Variants in GALNTL6 observed in about 807,000 individuals in gnomAD.
GALNTL6 encodes polypeptide N-acetylgalactosaminyltransferase like 6.
Under a neutral mutation model 73.7 loss-of-function variants are expected in GALNTL6, and 46 were observed. The observed-to-expected ratio is 0.62, with a 90% confidence interval of 0.49 to 0.80. GALNTL6 has a LOEUF of 0.80. Ranked by LOEUF, GALNTL6 falls within the 30% of genes least tolerant of loss-of-function variation. The probability of loss-of-function intolerance (pLI) is 0.00; values close to 1 mark genes in which losing one functional copy is unlikely to be tolerated. For synonymous variants in GALNTL6, 259 were observed against 263.7 expected, an observed-to-expected ratio of 0.98 and a Z score of 0.17; for missense variants, 604 against 755.0, an observed-to-expected ratio of 0.80 and a Z score of 2.34.
At chr4:171,958,487 G>T (rs1042517883) in intron 2 of GALNTL6, among the ~76,000 whole-genome samples, 3 of 152,050 alleles carry the variant, frequency 2.0e-5, no homozygotes, top group Admixed American at 2.0e-4. Context: ...AATTAGGAAA[G>T]AGAGTCATTT....
In GALNTL6 at chr4:172,910,057, G is replaced by T. The variant is rs370732345; in HGVS notation, c.1042-21104G>T. Among the ~76,000 whole-genome samples, 4 of 151,552 alleles carry T rather than the reference G, an allele frequency of 2.6e-5. No homozygotes were observed. The East Asian group carries it at 7.7e-4, about 29-fold the overall frequency. ...ACAACTGTGCAAAAATTAAAATGAA[G>T]GGAATACAAATGTTTTTATTTATAT... On this transcript the variant is annotated intron_variant, in intron 8 of 12. Transcript: ENST00000506823.
At position 172,442,697 on chromosome 4, in the gene GALNTL6, C is replaced by G. The variant is rs1222643505; in HGVS notation, c.553+94008C>G. Among the ~76,000 whole-genome samples the G allele has an allele frequency of 2.0e-5, 3 of 152,218 alleles. No individual in the cohort carries two copies. In the East Asian group the frequency reaches 5.8e-4, roughly 29 times the overall value. Reference sequence around the variant, plus strand: ...TAGTCAGAAAATGAGTCCATCCATTCAGTTACCGATATATTTCAAGGCTTT... The same window carrying G: ...TAGTCAGAAAATGAGTCCATCCATTGAGTTACCGATATATTTCAAGGCTTT... On this transcript the variant is annotated intron_variant, in intron 5 of 12. Coordinates refer to ENST00000506823, the MANE Select transcript of GALNTL6 (RefSeq NM_001034845.3).
chr4:172,188,493 T>G (rs1200337903), intron 2 of GALNTL6, among the ~76,000 whole-genome samples: 1 of 152,184 alleles, frequency 6.6e-6, no homozygotes, highest in Non-Finnish European at 1.5e-5. Context: ...TGACACGGTG[T>G]CTGCTCTCTT....
chr4:172,481,825 A>C (rs438519), intron 5 of GALNTL6, among the ~76,000 whole-genome samples: 152,185 of 152,326 alleles, frequency 1, 76,022 homozygotes, highest in Non-Finnish European at 1. Context: ...GCTGGCTCTG[A>C]CTAATGGATC....
intron 2 of GALNTL6, among the ~76,000 whole-genome samples, chr4:172,167,392 G>T (rs1560950464): frequency 6.6e-6 from 1 of 152,156 alleles, no homozygotes; most frequent in Non-Finnish European, 1.5e-5. Context: ...GTTGTGTCAT[G>T]TATAGCACAC....
intron 5 of GALNTL6, among the ~76,000 whole-genome samples, chr4:172,752,051 A>AG (rs1443476020): frequency 6.6e-6 from 1 of 151,706 alleles, no homozygotes; most frequent in Non-Finnish European, 1.5e-5. Context: ...AAACTTAAAA[A>AG]AAAAAAAAAA....
intron 5 of GALNTL6, among the ~76,000 whole-genome samples, chr4:172,376,880 G>C (rs113661177): frequency 6.6e-6 from 1 of 152,234 alleles, no homozygotes; most frequent in African/African-American, 2.4e-5. Context: ...TGTTCCTTCA[G>C]ATGTTCAGAT....
Position 172,814,363 on chromosome 4 carries a change from G to T in GALNTL6, c.923+640G>T, listed in dbSNP as rs151177612. Among the ~76,000 whole-genome samples, 162 of 152,088 alleles carry T rather than the reference G, an allele frequency of 1.1e-3. 1 individual carries two copies. In the South Asian group the frequency reaches 0.023, roughly 22 times the overall value. On this transcript the variant is annotated intron_variant, in intron 7 of 12. Coordinates refer to ENST00000506823, the MANE Select transcript of GALNTL6 (RefSeq NM_001034845.3). ...AAACGACATCCTGTTTTTTCAGTGTGGACATAAGAAGTATGCATTTAAAGA... is the reference window on the plus strand; with the variant it reads ...AAACGACATCCTGTTTTTTCAGTGTTGACATAAGAAGTATGCATTTAAAGA...
chr4:172,634,726 T>C (rs1298207144), intron 5 of GALNTL6, among the ~76,000 whole-genome samples: 1 of 152,238 alleles, frequency 6.6e-6, no homozygotes, highest in East Asian at 1.9e-4. Context: ...ATTCAACATT[T>C]ATTGAATCCT....
At chr4:172,364,151 A>G in intron 5 of GALNTL6, among the ~76,000 whole-genome samples, 1 of 152,210 alleles carries the variant, frequency 6.6e-6, no homozygotes, top group Non-Finnish European at 1.5e-5. Context: ...TGGGCATGGT[A>G]GCTCATGCCT....
At chr4:172,115,417 T>A (rs867841917) in intron 2 of GALNTL6, among the ~76,000 whole-genome samples, 1 of 152,170 alleles carries the variant, frequency 6.6e-6, no homozygotes, top group Non-Finnish European at 1.5e-5. Context: ...GTGAAGATGA[T>A]GTAAAATTGA....
intron 10 of GALNTL6, among the ~76,000 whole-genome samples, chr4:172,971,542 G>A (rs1257589932): frequency 3.3e-5 from 5 of 152,184 alleles, no homozygotes; most frequent in African/African-American, 9.7e-5. Context: ...TGAGTGGAAA[G>A]CAGAATACGT....
chr4:172,839,138 G>A lies in GALNTL6; in HGVS notation c.923+25415G>A, dbSNP rs73871878. ...TCAATAAAAAGGTGAGAAGGCACAG[G>A]GGTGAATGTCTGCAACCCACACCCT... On this transcript the variant is annotated intron_variant, in intron 7 of 12. Transcript: ENST00000506823. Among the ~76,000 whole-genome samples, 907 of 152,334 alleles carry A rather than the reference G, an allele frequency of 6.0e-3. 11 individuals carry two copies. Among genetic ancestry groups the A allele is most frequent in the African/African-American group, 0.021 (875 of 41,566 alleles).
intron 5 of GALNTL6, among the ~76,000 whole-genome samples, chr4:172,455,101 A>G (rs1367810738): frequency 6.6e-6 from 1 of 152,176 alleles, no homozygotes; most frequent in Non-Finnish European, 1.5e-5. Flanking sequence ...TCACCCAGGA[A>G]GCGAAAGGAT....
At chr4:172,656,594 G>A (rs1438613651) in intron 5 of GALNTL6, among the ~76,000 whole-genome samples, 4 of 152,182 alleles carry the variant, frequency 2.6e-5, no homozygotes, top group Non-Finnish European at 5.9e-5. Flanking sequence ...ATGACACGGT[G>A]TTCTGTTTCT....
At position 171,885,391 on chromosome 4, in the gene GALNTL6, T is replaced by A. The variant is rs568592022; in HGVS notation, c.138+70673T>A. Among the ~76,000 whole-genome samples the A allele has an allele frequency of 2.6e-5, 4 of 152,340 alleles. No homozygotes were observed. In the South Asian group the frequency reaches 8.3e-4, roughly 32 times the overall value. ...AAAATATTTTTGTCTACAGAGTTAA[T>A]CTTGATATTTATGTTTATACAAATT... On this transcript the variant is annotated intron_variant, in intron 2 of 12. Transcript: ENST00000506823.
At chr4:172,765,090 A>C (rs1431465320) in intron 5 of GALNTL6, among the ~76,000 whole-genome samples, 2 of 152,212 alleles carry the variant, frequency 1.3e-5, no homozygotes, top group Non-Finnish European at 2.9e-5. Flanking sequence ...TTGTGGAAAC[A>C]GCAACTGAGT....
chr4:171,874,669 G>T (rs549102207), intron 2 of GALNTL6, among the ~76,000 whole-genome samples: 1 of 152,094 alleles, frequency 6.6e-6, no homozygotes, highest in Non-Finnish European at 1.5e-5. Context: ...CACTTGCAGC[G>T]GAAGTATTGA....
chr4:172,041,180 T>C (rs1189381376), intron 2 of GALNTL6, among the ~76,000 whole-genome samples: 1 of 152,094 alleles, frequency 6.6e-6, no homozygotes, highest in Non-Finnish European at 1.5e-5. Flanking sequence ...ATTTGGTTTA[T>C]TGATCCCTAT....
Sources: gnomAD v4.1 joint callset for allele counts (sites outside exome capture counted in the v4.1 genomes callset) on GRCh38, gnomAD v4.1.1 for gene constraint, MANE v1.5 for transcripts, NCBI Gene and HGNC (gene_info 2026-07-23, HGNC 2026-07-21) for gene names.